The following DPP6 variants were observed in gnomAD, a reference collection of about 807,000 sequenced individuals.
The protein encoded by DPP6 is dipeptidyl peptidase like 6.
A neutral mutation model predicts 122.6 loss-of-function variants in DPP6; 69 were observed. That is an observed-to-expected ratio of 0.56 (90% CI 0.46 to 0.69). DPP6 has a LOEUF of 0.69. DPP6 is among the 30% of genes least tolerant of loss of function. DPP6 has a pLI of 0.00. For missense variants in DPP6, 928 were observed against 1,116.9 expected (o/e 0.83, Z 2.41); for synonymous variants, 418 against 433.1 (o/e 0.97, Z 0.43).
chr7:154,078,909 G>A (rs1390955084), intron 1 of DPP6, among the ~76,000 whole-genome samples: 1 of 135,820 alleles, frequency 7.4e-6, no homozygotes, highest in Non-Finnish European at 1.5e-5. Context: ...TCAAAACATT[G>A]AGGGTATCTC....
intron 1 of DPP6, among the ~76,000 whole-genome samples, chr7:154,218,194 C>A (rs1004882473): frequency 3.3e-5 from 5 of 152,096 alleles, no homozygotes; most frequent in Non-Finnish European, 7.4e-5. Flanking sequence ...GGTAAAGCAG[C>A]CATTAGACCA....
chr7:154,687,863 G>T lies in DPP6; in HGVS notation c.762+18422G>T, dbSNP rs114287400. 3.8e-3 allele frequency among the ~76,000 whole-genome samples: 573 copies of T among 152,238 alleles called. 2 individuals carry two copies. Among genetic ancestry groups the T allele is most frequent in the African/African-American group, 0.013 (551 of 41,546 alleles). ...ACTGGATTTTTGGGAAGGGTGTGAC[G>T]CATGCTTACAATTATCTTTCCCTAG... On this transcript the variant is annotated intron_variant, in intron 7 of 25. Transcript: ENST00000377770.
chr7:153,843,761 AAC>A, the DPP6 span, among the ~76,000 whole-genome samples: 1 of 152,172 alleles, frequency 6.6e-6, no homozygotes, highest in Non-Finnish European at 1.5e-5. Context: ...TTAAAACAGA[AAC>A]ACAGTCTTTC....
chr7:154,797,172 C>A (rs1447637488), intron 12 of DPP6, among the ~76,000 whole-genome samples: 2 of 152,190 alleles, frequency 1.3e-5, no homozygotes, highest in African/African-American at 4.8e-5. Context: ...ATCTATATAT[C>A]ATGTGTTCAA....
chr7:154,138,312 G>C lies in DPP6; in HGVS notation c.243+85249G>C, dbSNP rs1383011655. ...TGTAAAGTAGACACTTAATTCAACT[G>C]AATGGAAATAGCAAATTAGAGAATG... On this transcript the variant is annotated intron_variant, in intron 1 of 25. Transcript: ENST00000377770. Among the ~76,000 whole-genome samples the C allele has an allele frequency of 8.5e-5, 13 of 152,320 alleles. No individual in the cohort carries two copies. The East Asian group carries it at 2.3e-3, about 27-fold the overall frequency.
the DPP6 span, among the ~76,000 whole-genome samples, chr7:153,833,419 A>G: frequency 6.6e-6 from 1 of 152,206 alleles, no homozygotes; most frequent in Non-Finnish European, 1.5e-5. Flanking sequence ...CACACCTGTA[A>G]TCCCAGCACT....
intron 1 of DPP6, among the ~76,000 whole-genome samples, chr7:154,079,421 A>G (rs1166920797): frequency 6.6e-6 from 1 of 152,178 alleles, no homozygotes; most frequent in Non-Finnish European, 1.5e-5. Context: ...AGTACTGCGT[A>G]CTGCGCAAAT....
chr7:154,062,299 C>CT (rs533410434), intron 1 of DPP6, among the ~76,000 whole-genome samples: 1,437 of 32,072 alleles, frequency 0.045, 260 homozygotes, highest in African/African-American at 0.12. Context: ...TCTTCCCCCC[C>CT]GGCTCTGAGG....
intron 21 of DPP6, chr7:154,884,529 T>A (rs1805923571): frequency 7.0e-6 from 1 of 142,120 alleles, no homozygotes; most frequent in African/African-American, 2.8e-5. Context: ...ACATTCACAT[T>A]CACATGTTCA....
At chr7:154,592,520 G>A (rs1414548593) in intron 5 of DPP6, among the ~76,000 whole-genome samples, 2 of 152,190 alleles carry the variant, frequency 1.3e-5, no homozygotes, top group African/African-American at 4.8e-5. Context: ...GAAAGACCGT[G>A]CATAAATAGA....
chr7:153,823,478 C>T, the DPP6 span, among the ~76,000 whole-genome samples: 1 of 149,930 alleles, frequency 6.7e-6, no homozygotes, highest in Non-Finnish European at 1.5e-5. Flanking sequence ...CTGGCCGCTG[C>T]CCTCTGCCTC....
At chr7:154,800,569 C>T (rs976491089) in intron 12 of DPP6, among the ~76,000 whole-genome samples, 8 of 152,300 alleles carry the variant, frequency 5.3e-5, no homozygotes, top group Middle Eastern at 3.4e-3. Context: ...GTTCACTGTC[C>T]GGGGACCAGG....
the DPP6 span, among the ~76,000 whole-genome samples, chr7:153,810,671 C>CCTCTCTCTCTCT: frequency 5.1e-3 from 640 of 124,672 alleles, 9 homozygotes; most frequent in Non-Finnish European, 6.5e-3. Context: ...CTCTCTCTCT[C>CCTCTCTCTCTCT]CTCTCTCTCT....
At chr7:154,234,611 A>C (rs1403968986) in intron 1 of DPP6, among the ~76,000 whole-genome samples, 1 of 151,972 alleles carries the variant, frequency 6.6e-6, no homozygotes, top group East Asian at 1.9e-4. Flanking sequence ...ACCCACACAT[A>C]CCCAACACAC....
intron 1 of DPP6, among the ~76,000 whole-genome samples, chr7:153,947,124 C>A (rs532163926): frequency 6.6e-6 from 1 of 152,192 alleles, no homozygotes; most frequent in Non-Finnish European, 1.5e-5. Flanking sequence ...CCAAAGGAAT[C>A]CATTGAAAGC....
At chr7:154,043,464 T>G (rs1799868166) in intron 1 of DPP6, among the ~76,000 whole-genome samples, 1 of 115,772 alleles carries the variant, frequency 8.6e-6, no homozygotes, top group African/African-American at 3.3e-5. Flanking sequence ...TTTCATTAAA[T>G]GCTCAGATAA....
At chr7:153,982,624 TC>T (rs1270056571) in intron 1 of DPP6, among the ~76,000 whole-genome samples, 2 of 151,716 alleles carry the variant, frequency 1.3e-5, no homozygotes, top group African/African-American at 4.8e-5. Context: ...GAAGAGGAAT[TC>T]CGGTTTTTGG....
intron 1 of DPP6, among the ~76,000 whole-genome samples, chr7:154,113,754 G>A (rs924524727): frequency 9.9e-5 from 15 of 152,084 alleles, no homozygotes; most frequent in African/African-American, 3.1e-4. Context: ...ATTTTGAGTC[G>A]TTTTTTATGT....
intron 1 of DPP6, among the ~76,000 whole-genome samples, chr7:153,946,926 G>A (rs969854606): frequency 5.9e-5 from 9 of 152,080 alleles, no homozygotes; most frequent in East Asian, 3.9e-4. Flanking sequence ...CATAAAATGC[G>A]AATTTCCAAG....
Sources: allele counts gnomAD v4.1 joint callset (sites outside exome capture counted in the v4.1 genomes callset), GRCh38; gene constraint gnomAD v4.1.1; transcripts MANE v1.5; gene names NCBI Gene and HGNC (gene_info 2026-07-23, HGNC 2026-07-21).